The following LNX1 variants were observed in gnomAD, a reference collection of about 807,000 sequenced individuals.
The protein encoded by LNX1 is ligand of numb-protein X 1, also known as E3 ubiquitin-protein ligase LNX.
In LNX1, 54 loss-of-function variants were observed where a neutral mutation model predicts 68.4. The ratio of observed to expected loss-of-function variants is 0.79; its 90% CI spans 0.63 to 0.99. The LOEUF is 0.99. LNX1 is among the 50% of genes least tolerant of loss of function. The pLI is 0.00. For missense variants in LNX1, 906 were observed against 926.4 expected, an observed-to-expected ratio of 0.98 and a Z score of 0.29; for synonymous variants, 336 against 350.0, an observed-to-expected ratio of 0.96 and a Z score of 0.45.
chr4:53,626,192 C>A (rs1179496004), intron 1 of LNX1, among the ~76,000 whole-genome samples: 1 of 152,082 alleles, frequency 6.6e-6, no homozygotes, highest in East Asian at 1.9e-4. Context: ...ATAGGAAAAT[C>A]TATGCAGATA....
At chr4:53,642,978 A>C (rs1343202498) in intron 1 of LNX1, among the ~76,000 whole-genome samples, 4 of 152,148 alleles carry the variant, frequency 2.6e-5, no homozygotes, top group Admixed American at 6.5e-5. Flanking sequence ...TCCAGAGGCC[A>C]CTTAACATTG....
chr4:53,505,613 G>A (rs1725817446), intron 4 of LNX1, among the ~76,000 whole-genome samples: 1 of 152,158 alleles, frequency 6.6e-6, no homozygotes, highest in African/African-American at 2.4e-5. Flanking sequence ...GGAAGAGACT[G>A]GTGGAAAGGA....
intron 9 of LNX1, among the ~76,000 whole-genome samples, chr4:53,471,023 G>A (rs74366481): frequency 5.5e-5 from 5 of 91,180 alleles, no homozygotes; most frequent in African/African-American, 2.0e-4. Flanking sequence ...AAAAGAGCCC[G>A]CATTGCCAAG....
intron 2 of LNX1, chr4:53,557,739 G>A (rs555538849): frequency 8.5e-5 from 83 of 980,526 alleles, no homozygotes; most frequent in Non-Finnish European, 1.2e-4. Flanking sequence ...TAAACTGCTG[G>A]CAGGGTGCTT....
At chr4:53,508,459 T>G in intron 2 of LNX1, 1 of 525,860 alleles carries the variant, frequency 1.9e-6, no homozygotes, top group South Asian at 2.5e-5. Context: ...CTGCATTCTC[T>G]TAAAGCAATC....
At chr4:53,601,103 GA>G (rs1042245273) in intron 2 of LNX1, among the ~76,000 whole-genome samples, 225 of 128,128 alleles carry the variant, frequency 1.8e-3, no homozygotes, top group Non-Finnish European at 2.3e-3. Flanking sequence ...GGGAGGGAGG[GA>G]GGGGGGGAGG....
intron 2 of LNX1, among the ~76,000 whole-genome samples, chr4:53,521,091 G>A (rs577395400): frequency 6.6e-6 from 1 of 152,326 alleles, no homozygotes; most frequent in Admixed American, 6.5e-5. Context: ...GACTGACTAG[G>A]AAGTGTTTTT....
chr4:53,514,670 A>G (rs1225756222), intron 2 of LNX1, among the ~76,000 whole-genome samples: 1 of 152,140 alleles, frequency 6.6e-6, no homozygotes. Flanking sequence ...GGACAGTCAA[A>G]CCATATCAGG....
chr4:53,597,257 A>G (rs1732795333), intron 2 of LNX1, among the ~76,000 whole-genome samples: 1 of 152,174 alleles, frequency 6.6e-6, no homozygotes, highest in South Asian at 2.1e-4. Flanking sequence ...CAATCCATCA[A>G]TTGATATTCC....
chr4:53,493,019 G>C (rs1377288438), intron 6 of LNX1, among the ~76,000 whole-genome samples: 2 of 152,034 alleles, frequency 1.3e-5, no homozygotes, highest in African/African-American at 4.8e-5. Flanking sequence ...CTCCAGGCTG[G>C]AGTGCAGTGG....
At chr4:53,481,925 A>G in intron 6 of LNX1, 71 bp from the exon 7 acceptor site, 6 of 1,454,194 alleles carry the variant, frequency 4.1e-6, no homozygotes, top group Non-Finnish European at 2.7e-6. Flanking sequence ...GGAGCTTACA[A>G]AAACATCACT....
intron 2 of LNX1, among the ~76,000 whole-genome samples, chr4:53,522,605 C>T (rs1727306719): frequency 6.6e-6 from 1 of 152,190 alleles, no homozygotes; most frequent in Non-Finnish European, 1.5e-5. Context: ...TCTTTTGTAT[C>T]CTCCACTGTA....
At chr4:53,588,508 A>G (rs1047397067) in intron 1 of LNX1, among the ~76,000 whole-genome samples, 2 of 152,180 alleles carry the variant, frequency 1.3e-5, no homozygotes, top group African/African-American at 4.8e-5. Flanking sequence ...CCAGACCACT[A>G]TTCTAAAGCA....
chr4:53,575,743 T>A, intron 1 of LNX1: 1 of 1,543,994 alleles, frequency 6.5e-7, no homozygotes. Flanking sequence ...CAGCTCTGTA[T>A]TGCATCATCC....
chr4:53,592,743 G>T (rs183463556), upstream of LNX1, among the ~76,000 whole-genome samples: 83 of 152,250 alleles, frequency 5.5e-4, no homozygotes, highest in African/African-American at 2.0e-3. Flanking sequence ...GGTTTGGTTT[G>T]GGGGAGGGTG....
At chr4:53,647,374 ATCTC>A (rs141120731) in intron 1 of LNX1, among the ~76,000 whole-genome samples, 63 of 152,186 alleles carry the variant, frequency 4.1e-4, no homozygotes, top group East Asian at 1.2e-3. Flanking sequence ...TTAGGAAGCA[ATCTC>A]TCTCTCTCTT....
upstream of LNX1, chr4:53,591,897 T>C (rs1732528814): frequency 6.6e-6 from 1 of 151,908 alleles, no homozygotes; most frequent in African/African-American, 2.4e-5. Context: ...AAAGGAAGAG[T>C]GTGAAGCCGA....
chr4:53,503,726 C>T (rs888653206), intron 4 of LNX1, among the ~76,000 whole-genome samples: 6 of 152,168 alleles, frequency 3.9e-5, no homozygotes, highest in South Asian at 2.1e-4. Context: ...GTATTAGCCC[C>T]GAACAAGAGA....
At chr4:53,581,934 T>C (rs1323802374) in intron 1 of LNX1, among the ~76,000 whole-genome samples, 1 of 152,236 alleles carries the variant, frequency 6.6e-6, no homozygotes, top group Non-Finnish European at 1.5e-5. Flanking sequence ...TTTTGATCTT[T>C]TGTTCATCAT....
Sources: allele counts gnomAD v4.1 joint callset (sites outside exome capture counted in the v4.1 genomes callset), GRCh38; gene constraint gnomAD v4.1.1; transcripts MANE v1.5; gene names NCBI Gene and HGNC (gene_info 2026-07-23, HGNC 2026-07-21).